HLCS: variants seen among roughly 807,000 people sequenced by gnomAD.
The protein encoded by HLCS is holocarboxylase synthetase.
HLCS carries 53 observed loss-of-function variants against 75.0 expected under a neutral mutation model. That is an observed-to-expected ratio of 0.71 (90% CI 0.57 to 0.89). HLCS has a LOEUF of 0.89. Among genes scored for constraint, HLCS ranks in the 40% least tolerant of loss-of-function variants. The pLI, the probability that HLCS is intolerant of heterozygous loss-of-function variation, is 0.00. For synonymous variants in HLCS, 431 were observed against 428.6 expected, an observed-to-expected ratio of 1.01 and a Z score of -0.07; for missense variants, 966 against 1,074.0, an observed-to-expected ratio of 0.90 and a Z score of 1.41.
intron 6 of HLCS, among the ~76,000 whole-genome samples, chr21:36,888,445 A>AATAT (rs71198839): frequency 1.0e-3 from 25 of 24,038 alleles, no homozygotes; most frequent in South Asian, 2.7e-3. Flanking sequence ...AAAAAAAAAA[A>AATAT]ATATATATAT....
At chr21:36,960,141 C>CT (rs1449727124) in intron 2 of HLCS, among the ~76,000 whole-genome samples, 1 of 116,754 alleles carries the variant, frequency 8.6e-6, no homozygotes, top group Non-Finnish European at 1.8e-5. Context: ...ACCCCCCCCC[C>CT]CCCCGACCCT....
intron 1 of HLCS, among the ~76,000 whole-genome samples, chr21:36,986,121 CG>C (rs997181740): frequency 9.2e-5 from 14 of 152,050 alleles, no homozygotes; most frequent in Non-Finnish European, 1.5e-5. Context: ...GCTGTTATTG[CG>C]GGAGTGGGCT....
At chr21:36,939,962 T>A (rs1395484942) in intron 2 of HLCS, among the ~76,000 whole-genome samples, 4 of 152,112 alleles carry the variant, frequency 2.6e-5, no homozygotes, top group Non-Finnish European at 5.9e-5. Flanking sequence ...GGCAGGAGAA[T>A]CGCTTGAACC....
chr21:36,937,103 G>A lies in HLCS; in HGVS notation c.783C>T (p.Asn261=), dbSNP rs1601805290. The change falls in exon 4 of 11, where the codon AAC becomes AAT. Residue 261 remains asparagine (N), a synonymous_variant. Coordinates refer to ENST00000674895, the MANE Select transcript of HLCS (RefSeq NM_001352514.2). ...CAAACTTGACTGACTCAATGGTGCT[G>A]TTCTCAAGTTCCAGACACTCGTGGC... ...SSCHECLELE[N]STIESVKFAS... 9 of 1,614,192 alleles carry A rather than the reference G, an allele frequency of 5.6e-6. No individual in the cohort carries two copies. Among genetic ancestry groups the A allele is most frequent in the Non-Finnish European group, 7.6e-6 (9 of 1,180,036 alleles).
chr21:36,986,458 G>T (rs2069231420), intron 1 of HLCS, among the ~76,000 whole-genome samples: 2 of 152,166 alleles, frequency 1.3e-5, no homozygotes, highest in African/African-American at 4.8e-5. Context: ...TTCACTCATT[G>T]CCCAGGCTGG....
chr21:36,874,666 C>T (rs936588548), intron 6 of HLCS, among the ~76,000 whole-genome samples: 5 of 152,166 alleles, frequency 3.3e-5, no homozygotes, highest in Non-Finnish European at 5.9e-5. Context: ...CGTGGTGGCC[C>T]ATCTGGAGCA....
chr21:36,785,059 C>G (rs1423326734), intron 6 of HLCS, among the ~76,000 whole-genome samples: 2 of 152,122 alleles, frequency 1.3e-5, no homozygotes. Flanking sequence ...CAGGTACCGT[C>G]GCCTTCGGGG....
At chr21:36,774,526 C>A (rs1206245689) in intron 6 of HLCS, among the ~76,000 whole-genome samples, 1 of 152,180 alleles carries the variant, frequency 6.6e-6, no homozygotes, top group Non-Finnish European at 1.5e-5. Context: ...AGAAGACAAG[C>A]AGCGCCTCCC....
chr21:36,865,430 T>G (rs1055109776), intron 6 of HLCS, among the ~76,000 whole-genome samples: 1 of 151,868 alleles, frequency 6.6e-6, no homozygotes, highest in African/African-American at 2.4e-5. Context: ...GAAAATGGCA[T>G]AAAAACAAAC....
chr21:36,935,154 G>A (rs774885945), intron 4 of HLCS, among the ~76,000 whole-genome samples: 5 of 152,106 alleles, frequency 3.3e-5, no homozygotes, highest in African/African-American at 7.2e-5. Flanking sequence ...CTAGGAAGTC[G>A]GGTTTTTAAG....
rs186905914 is a variant in HLCS at position 36,899,573 on chromosome 21, G to A, written c.1621-2442C>T. Reference sequence around the variant, plus strand: ...CAGGTGGCGGAGGTTGCAGTGAGCCGAGATCACGCCATCACACTCCAGCCT... The same window carrying A: ...CAGGTGGCGGAGGTTGCAGTGAGCCAAGATCACGCCATCACACTCCAGCCT... On this transcript the variant is annotated intron_variant, in intron 5 of 10. Transcript: ENST00000674895. 6.6e-5 allele frequency among the ~76,000 whole-genome samples: 10 copies of A among 151,500 alleles called. No homozygotes were observed. In the East Asian group the frequency reaches 1.2e-3, roughly 18 times the overall value.
chr21:36,950,968 G>C (rs2067643784), intron 2 of HLCS, among the ~76,000 whole-genome samples: 1 of 152,154 alleles, frequency 6.6e-6, no homozygotes, highest in Admixed American at 6.5e-5. Context: ...GGCAGGGAAG[G>C]CTGATGCAGC....
At chr21:36,845,996 G>A (rs2062785484) in intron 6 of HLCS, among the ~76,000 whole-genome samples, 1 of 152,144 alleles carries the variant, frequency 6.6e-6, no homozygotes, top group African/African-American at 2.4e-5. Flanking sequence ...CGAAGCCTCT[G>A]TTTCCTCATC....
intron 5 of HLCS, among the ~76,000 whole-genome samples, chr21:36,927,187 G>A (rs1019903722): frequency 1.3e-5 from 2 of 152,204 alleles, no homozygotes; most frequent in East Asian, 1.9e-4. Flanking sequence ...AGCCTTGGTC[G>A]GAGGAAGCCC....
chr21:36,857,655 A>C (rs542880129), intron 6 of HLCS, among the ~76,000 whole-genome samples: 1 of 152,114 alleles, frequency 6.6e-6, no homozygotes, highest in African/African-American at 2.4e-5. Context: ...CACTCCTAGG[A>C]TGGCATTTCA....
intron 2 of HLCS, among the ~76,000 whole-genome samples, chr21:36,950,021 A>G (rs1476005843): frequency 6.6e-6 from 1 of 152,058 alleles, no homozygotes; most frequent in African/African-American, 2.4e-5. Context: ...ACCAGTATGG[A>G]CATGTCTCTA....
intron 5 of HLCS, among the ~76,000 whole-genome samples, chr21:36,925,724 C>G (rs553130835): frequency 6.6e-6 from 1 of 152,176 alleles, no homozygotes; most frequent in South Asian, 2.1e-4. Context: ...CCCAGTGAGA[C>G]CCTGCAGAGC....
intron 6 of HLCS, among the ~76,000 whole-genome samples, chr21:36,810,405 G>A (rs112342872): frequency 0.02 from 3,024 of 152,218 alleles, 107 homozygotes; most frequent in African/African-American, 0.069. Flanking sequence ...TATATAAACA[G>A]AATTTGGGGA....
At chr21:36,768,002 G>GA (rs201977707) in intron 6 of HLCS, among the ~76,000 whole-genome samples, 2,104 of 151,420 alleles carry the variant, frequency 0.014, 43 homozygotes, top group African/African-American at 0.046. Context: ...AAAAAGGAAA[G>GA]AAAAAAAAAT....
Sources: gnomAD v4.1 joint callset for allele counts (sites outside exome capture counted in the v4.1 genomes callset) on GRCh38, gnomAD v4.1.1 for gene constraint, MANE v1.5 for transcripts, NCBI Gene and HGNC (gene_info 2026-07-23, HGNC 2026-07-21) for gene names.